The following ASB3 variants were observed in gnomAD, a reference collection of about 807,000 sequenced individuals.
ASB3 encodes ankyrin repeat and SOCS box protein 3.
ASB3 carries 41 observed loss-of-function variants against 54.5 expected under a neutral mutation model. The ratio of observed to expected loss-of-function variants is 0.75; its 90% CI spans 0.59 to 0.98. The LOEUF is 0.98. Among genes scored for constraint, ASB3 ranks in the 50% least tolerant of loss-of-function variants. The probability of loss-of-function intolerance (pLI) is 0.00; values close to 1 mark genes in which losing one functional copy is unlikely to be tolerated. For missense variants in ASB3, 733 were observed against 620.0 expected, an observed-to-expected ratio of 1.18 and a Z score of -1.94; for synonymous variants, 266 against 221.2, an observed-to-expected ratio of 1.20 and a Z score of -1.80.
At chr2:53,746,530 T>C (rs1201410246) in intron 3 of ASB3, among the ~76,000 whole-genome samples, 1 of 149,090 alleles carries the variant, frequency 6.7e-6, no homozygotes, top group Non-Finnish European at 1.5e-5. Context: ...CAAGCTGGAG[T>C]GCAATGGCGC....
At chr2:53,735,041 T>G (rs999134169) in intron 3 of ASB3, among the ~76,000 whole-genome samples, 12 of 150,548 alleles carry the variant, frequency 8.0e-5, no homozygotes, top group African/African-American at 2.9e-4. Context: ...TGCCTCAGCC[T>G]CCCTAGTAGC....
intron 5 of ASB3, 107 bp downstream of exon 5, chr2:53,728,605 C>T: frequency 7.5e-7 from 1 of 1,336,464 alleles, no homozygotes. Flanking sequence ...TACATAAAAC[C>T]ATAAATTTCA....
chr2:53,672,119 T>C (rs1357502740), intron 9 of ASB3, among the ~76,000 whole-genome samples: 2 of 152,238 alleles, frequency 1.3e-5, no homozygotes, highest in Non-Finnish European at 2.9e-5. Flanking sequence ...AGTTTAGGTT[T>C]AGTTTAGTTT....
At chr2:53,719,808 C>T (rs777138979) in intron 5 of ASB3, among the ~76,000 whole-genome samples, 1 of 152,098 alleles carries the variant, frequency 6.6e-6, no homozygotes, top group African/African-American at 2.4e-5. Context: ...GTGTTTCTTT[C>T]CTCTTTCTTT....
At chr2:53,683,420 T>A (rs1419746337) in intron 9 of ASB3, among the ~76,000 whole-genome samples, 1 of 152,086 alleles carries the variant, frequency 6.6e-6, no homozygotes, top group Non-Finnish European at 1.5e-5. Context: ...GTAGTGTTTT[T>A]TTTTTGGTTT....
chr2:53,729,950 TTAC>T (rs1321528865), intron 3 of ASB3, among the ~76,000 whole-genome samples: 2 of 152,180 alleles, frequency 1.3e-5, no homozygotes, highest in East Asian at 3.8e-4. Context: ...AGGTTTGCTA[TTAC>T]TACATTTGAT....
intron 9 of ASB3, among the ~76,000 whole-genome samples, chr2:53,673,905 C>T (rs1400653839): frequency 4.6e-5 from 7 of 152,194 alleles, no homozygotes; most frequent in Non-Finnish European, 1.0e-4. Flanking sequence ...TTCAGCTGAA[C>T]TGAGGGAGTG....
intron 1 of ASB3, among the ~76,000 whole-genome samples, chr2:53,769,459 G>A (rs2104128357): frequency 6.6e-6 from 1 of 152,314 alleles, no homozygotes; most frequent in Middle Eastern, 3.4e-3. Flanking sequence ...AATGTACAGT[G>A]TGTTACAAAA....
intron 2 of ASB3, among the ~76,000 whole-genome samples, chr2:53,751,737 T>C (rs1415160818): frequency 6.6e-6 from 1 of 152,256 alleles, no homozygotes; most frequent in East Asian, 1.9e-4. Context: ...TCCTAACTAG[T>C]TATCTATTTT....
intron 7 of ASB3, among the ~76,000 whole-genome samples, chr2:53,710,306 T>C (rs901854534): frequency 2.0e-5 from 3 of 152,254 alleles, no homozygotes; most frequent in Non-Finnish European, 2.9e-5. Context: ...ATGGAGTCCA[T>C]GTAGTAAATT....
In ASB3 at chr2:53,747,885, A is replaced by G. The variant is rs1572960181; in HGVS notation, c.355+2898T>C. ...ATATGTAATGTCTTCATGTTTTTCTACACTGGGGGATATAGCACATAGTGT... is the reference window on the plus strand; with the variant it reads ...ATATGTAATGTCTTCATGTTTTTCTGCACTGGGGGATATAGCACATAGTGT... On this transcript the variant is annotated intron_variant, in intron 3 of 9. Transcript: ENST00000263634. Among the ~76,000 whole-genome samples, 3 of 152,204 alleles carry G rather than the reference A, an allele frequency of 2.0e-5. No homozygotes were observed. The South Asian group carries it at 6.2e-4, about 32-fold the overall frequency.
At chr2:53,704,738 T>C (rs1421640614) in intron 7 of ASB3, among the ~76,000 whole-genome samples, 1 of 152,166 alleles carries the variant, frequency 6.6e-6, no homozygotes, top group Non-Finnish European at 1.5e-5. Flanking sequence ...AATAAAAATG[T>C]GGTATTTAGT....
At chr2:53,732,461 C>G (rs994880308) in intron 3 of ASB3, among the ~76,000 whole-genome samples, 9 of 152,072 alleles carry the variant, frequency 5.9e-5, no homozygotes, top group South Asian at 2.1e-4. Flanking sequence ...TATAGCCAGT[C>G]CATGACTTGA....
chr2:53,781,622 A>G (rs963080361), intron 1 of ASB3, among the ~76,000 whole-genome samples: 1 of 152,046 alleles, frequency 6.6e-6, no homozygotes, highest in Non-Finnish European at 1.5e-5. Context: ...CAGCCTCCAG[A>G]GTAGCTGAGA....
chr2:53,757,998 G>A (rs769135289), intron 2 of ASB3, among the ~76,000 whole-genome samples: 80 of 151,882 alleles, frequency 5.3e-4, no homozygotes, highest in Non-Finnish European at 7.2e-4. Flanking sequence ...AGTAACTCAA[G>A]GAGAGAAGAG....
chr2:53,707,585 T>C (rs934614545), intron 7 of ASB3, among the ~76,000 whole-genome samples: 4 of 150,416 alleles, frequency 2.7e-5, no homozygotes, highest in Non-Finnish European at 5.9e-5. Context: ...AGGCAGAGCT[T>C]GCAGTGAGCT....
intron 1 of ASB3, among the ~76,000 whole-genome samples, chr2:53,779,422 T>C (rs1158713731): frequency 1.3e-5 from 2 of 152,080 alleles, no homozygotes; most frequent in Non-Finnish European, 2.9e-5. Flanking sequence ...GACAAACAAG[T>C]AGCTATGACA....
chr2:53,716,520 G>A, intron 6 of ASB3, 46 bp downstream of exon 6: 1 of 1,585,122 alleles, frequency 6.3e-7, no homozygotes, highest in African/African-American at 1.3e-5. Flanking sequence ...TTCTTTATTA[G>A]CTTTTGATTA....
intron 1 of ASB3, chr2:53,774,050 G>T: frequency 7.6e-7 from 1 of 1,319,708 alleles, no homozygotes; most frequent in East Asian, 2.3e-5. Context: ...AAACAGAAAA[G>T]AATATATGAG....
Sources: allele counts gnomAD v4.1 joint callset (sites outside exome capture counted in the v4.1 genomes callset), GRCh38; gene constraint gnomAD v4.1.1; transcripts MANE v1.5; gene names NCBI Gene and HGNC (gene_info 2026-07-23, HGNC 2026-07-21).